TMEM245: variants seen among roughly 807,000 people sequenced by gnomAD.
TMEM245 encodes protein CG-2.
Under a neutral mutation model 101.2 loss-of-function variants are expected in TMEM245, and 69 were observed. The observed-to-expected ratio is 0.68, with a 90% CI of 0.56 to 0.83. The LOEUF (loss-of-function observed/expected upper bound fraction) is 0.83, where lower values mean the gene tolerates loss of function less well. Ranked by LOEUF, TMEM245 falls within the 40% of genes least tolerant of loss-of-function variation. The probability of loss-of-function intolerance (pLI) is 0.00; values close to 1 mark genes in which losing one functional copy is unlikely to be tolerated. For missense variants in TMEM245, 1,075 were observed against 1,092.8 expected (o/e 0.98, Z 0.23); for synonymous variants, 537 against 449.8 (o/e 1.19, Z -2.45).
chr9:109,047,739 C>T (rs2132375994), intron 14 of TMEM245, among the ~76,000 whole-genome samples: 1 of 152,276 alleles, frequency 6.6e-6, no homozygotes, highest in African/African-American at 2.4e-5. Flanking sequence ...ATGAAGATTA[C>T]TTGAGGAAAA....
Position 109,064,491 on chromosome 9 carries a change from A to C in TMEM245, c.1609T>G (p.Trp537Gly). The C allele has an allele frequency of 6.2e-7, 1 of 1,613,558 alleles. No individual in the cohort carries two copies. Among genetic ancestry groups the C allele is most frequent in the Non-Finnish European group, 8.5e-7 (1 of 1,179,620 alleles). Residue 537 changes from tryptophan to glycine, a missense_variant, in exon 10 of 18, where the codon TGG (tryptophan) becomes GGG (glycine). Trp to Gly is a radical substitution (Grantham distance 184, BLOSUM62 -2). Around this residue, in one of 2 missense-constraint regions of TMEM245, gnomAD observed 808 missense variants for 741.5 expected, o/e 1.09. Coordinates refer to ENST00000374586, the MANE Select transcript of TMEM245 (RefSeq NM_032012.4). ...ANNVYQYGREWITHKLHKILG... is the reference protein window; with the variant it reads ...ANNVYQYGREGITHKLHKILG... Reference sequence around the variant, plus strand: ...TCTTCCCTTACCTTGTGAGTTATCCATTCTCGTCCATACTGATACACGTTG... The same window carrying C: ...TCTTCCCTTACCTTGTGAGTTATCCCTTCTCGTCCATACTGATACACGTTG...
chr9:109,052,596 C>G (rs547173085), intron 12 of TMEM245, among the ~76,000 whole-genome samples: 8 of 152,174 alleles, frequency 5.3e-5, no homozygotes, highest in Middle Eastern at 6.3e-3. Flanking sequence ...AAGAGAACTC[C>G]GGCAGGCTGG....
rs1828636015 is a variant in TMEM245 at position 109,050,329 on chromosome 9, C to G, written c.2077G>C (p.Gly693Arg). ...VISLTPLSQPGPSSNIIGQSV... is the reference protein window; with the variant it reads ...VISLTPLSQPRPSSNIIGQSV... ...TGGCCAATAATATTAGAAGAAGGAC[C>G]TGGCTGAGATAGTGGAGTCAGGCTT... Residue 693 changes from glycine to arginine, a missense_variant, in exon 14 of 18, where the codon GGT (glycine) becomes CGT (arginine). Gly to Arg is a moderately radical substitution (Grantham distance 125). Around this residue, in one of 2 missense-constraint regions of TMEM245, gnomAD observed 267 missense variants for 351.3 expected, o/e 0.76. Transcript: ENST00000374586. 6.2e-7 allele frequency: 1 copy of G among 1,614,052 alleles called. No homozygotes were observed. Among genetic ancestry groups the G allele is most frequent in the East Asian group, 2.2e-5 (1 of 44,858 alleles).
chr9:109,090,183 C>T (rs1829957759), intron 5 of TMEM245, among the ~76,000 whole-genome samples: 1 of 152,144 alleles, frequency 6.6e-6, no homozygotes, highest in African/African-American at 2.4e-5. Flanking sequence ...ATTGCTTGAA[C>T]CCAGGGGGCA....
chr9:109,024,247 C>A (rs542167276), intron 17 of TMEM245, among the ~76,000 whole-genome samples: 1 of 152,312 alleles, frequency 6.6e-6, no homozygotes, highest in East Asian at 1.9e-4. Flanking sequence ...AATCCTGTGA[C>A]AGAGCACATG....
At chr9:109,093,994 A>G (rs1830074461) in intron 3 of TMEM245, among the ~76,000 whole-genome samples, 1 of 152,234 alleles carries the variant, frequency 6.6e-6, no homozygotes. Context: ...TTAGTACGAG[A>G]TAATCCACAA....
intron 1 of TMEM245, among the ~76,000 whole-genome samples, chr9:109,114,283 TAG>T (rs1830649418): frequency 6.6e-6 from 1 of 152,176 alleles, no homozygotes; most frequent in Admixed American, 6.5e-5. Flanking sequence ...AACTAAGCAC[TAG>T]AAACTTTCCT....
rs1827455319 is a variant in TMEM245 at position 109,016,686 on chromosome 9, T to C, written c.*3774A>G. 7.0e-6 allele frequency: 1 copy of C among 142,016 alleles called. No individual in the cohort carries two copies. Among genetic ancestry groups the C allele is most frequent in the South Asian group, 2.2e-4 (1 of 4,468 alleles). The allele number at this position is 142,016 out of a possible 1,614,324, so 8.8% of individuals were successfully genotyped here. Reference sequence around the variant, plus strand: ...TTTTTTTTTTTTTTTTTTTGCAGGTTCCCAATAATCGGTAAGTTAATAAAA... The same window carrying C: ...TTTTTTTTTTTTTTTTTTTGCAGGTCCCCAATAATCGGTAAGTTAATAAAA... On this transcript the variant is annotated 3_prime_UTR_variant, in exon 18 of 18. Transcript: ENST00000374586.
rs1427789838 is a variant in TMEM245, at chr9:109,029,389, T to C, written c.2594+3918A>G. Among the ~76,000 whole-genome samples the C allele has an allele frequency of 2.6e-5, 4 of 152,230 alleles. No individual in the cohort carries two copies. The East Asian group carries it at 5.8e-4, about 22-fold the overall frequency. ...ACCGTAGATAAACAAAAAGATCTTA[T>C]ATGTCTTCAAACAGTCAAATTAACA... On this transcript the variant is annotated intron_variant, in intron 17 of 17. Coordinates refer to ENST00000374586, the MANE Select transcript of TMEM245 (RefSeq NM_032012.4).
At chr9:109,065,948 TAAAGAG>T (rs546014019) in intron 9 of TMEM245, among the ~76,000 whole-genome samples, 5 of 152,250 alleles carry the variant, frequency 3.3e-5, no homozygotes, top group African/African-American at 1.2e-4. Context: ...AAGATGGTCA[TAAAGAG>T]AAAGTCAGTT....
At chr9:109,119,003 G>A (rs1235647830) in intron 1 of TMEM245, among the ~76,000 whole-genome samples, 1 of 152,116 alleles carries the variant, frequency 6.6e-6, no homozygotes, top group Non-Finnish European at 1.5e-5. Context: ...TCTCCAACCA[G>A]AAGTAAAACC....
chr9:109,048,751 G>T (rs1182475230), intron 14 of TMEM245, among the ~76,000 whole-genome samples: 1 of 152,184 alleles, frequency 6.6e-6, no homozygotes. Flanking sequence ...GATAAAGGAA[G>T]CCAAGAGCCA....
In TMEM245 at chr9:109,106,543, G is replaced by T; in HGVS notation, c.764C>A (p.Thr255Asn). Residue 255 changes from threonine (T) to asparagine (N), a missense_variant, in exon 3 of 18, where the codon ACC becomes AAC. Thr to Asn is a moderately conservative substitution (Grantham distance 65, BLOSUM62 0). This residue lies in a region of TMEM245 where 808 missense variants were observed against 741.5 expected (regional missense o/e 1.09). Coordinates refer to ENST00000374586, the MANE Select transcript of TMEM245 (RefSeq NM_032012.4). ...TTTTCCATTCTGTTTTTCATAGAGG[G>T]TACCCACAGACATCAGGAAAACAAT... Reference protein sequence around the residue: ...LVIVFLMSVGTLYEKQNGKES... With the variant: ...LVIVFLMSVGNLYEKQNGKES... The T allele has an allele frequency of 6.2e-7, 1 of 1,611,656 alleles. No homozygotes were observed. Among genetic ancestry groups the T allele is most frequent in the Non-Finnish European group, 8.5e-7 (1 of 1,178,590 alleles).
At chr9:109,081,446 T>C (rs1360345580) in intron 7 of TMEM245, among the ~76,000 whole-genome samples, 2 of 152,132 alleles carry the variant, frequency 1.3e-5, no homozygotes, top group Admixed American at 1.3e-4. Context: ...TCAAAATATT[T>C]TTTCCATTTG....
chr9:109,093,433 A>C, intron 4 of TMEM245, 42 bp downstream of exon 4: 2 of 1,541,858 alleles, frequency 1.3e-6, no homozygotes, highest in East Asian at 2.3e-5. Context: ...TGTACATTTC[A>C]TTTTCCAGAA....
chr9:109,103,670 G>A (rs1830334290), intron 3 of TMEM245, among the ~76,000 whole-genome samples: 1 of 152,170 alleles, frequency 6.6e-6, no homozygotes, highest in Non-Finnish European at 1.5e-5. Flanking sequence ...TTATTTGTGG[G>A]ATCTAAAAAT....
intron 17 of TMEM245, among the ~76,000 whole-genome samples, chr9:109,025,460 T>C (rs1316492967): frequency 2.6e-5 from 4 of 152,234 alleles, no homozygotes; most frequent in African/African-American, 7.2e-5. Context: ...AGCCACAAGT[T>C]ACTCAATCTT....
chr9:109,020,368 T>C lies in TMEM245; in HGVS notation c.*92A>G. 7.7e-7 allele frequency: 1 copy of C among 1,290,596 alleles called. No homozygotes were observed. The highest frequency in any genetic ancestry group is 1.1e-6 in the Non-Finnish European group (1 of 885,212). The allele number at this position is 1,290,596 out of a possible 1,614,324, so 79.9% of individuals were successfully genotyped here. A position where few individuals can be genotyped will look rare whatever the true frequency, so the allele number is the denominator to read the frequency against. On this transcript the variant is annotated 3_prime_UTR_variant, in exon 18 of 18. Transcript: ENST00000374586. The stretch of plus-strand genomic sequence containing the variant: ...TGCTTCTTTCCTGGGTTTTGCTTGC[T>C]AGGCACAGCTGGAAGGGCAGAGGGC...
Position 109,050,267 on chromosome 9 carries a change from T to C in TMEM245, c.2123+16A>G. The C allele has an allele frequency of 6.2e-7, 1 of 1,613,310 alleles. No homozygotes were observed. The highest frequency in any genetic ancestry group is 8.5e-7 in the Non-Finnish European group (1 of 1,179,788). Reference sequence around the variant, plus strand: ...AGTTCTGGGAGAAATAAGAATAGCATAAACCTTATCCCTACCTGATAGCTT... The same window carrying C: ...AGTTCTGGGAGAAATAAGAATAGCACAAACCTTATCCCTACCTGATAGCTT... On this transcript the variant is annotated intron_variant, in intron 14 of 17. Coordinates refer to ENST00000374586, the MANE Select transcript of TMEM245 (RefSeq NM_032012.4).
Sources: allele counts gnomAD v4.1 joint callset (sites outside exome capture counted in the v4.1 genomes callset), GRCh38; gene constraint gnomAD v4.1.1; regional missense constraint gnomAD v4.1.1; transcripts MANE v1.5; gene names NCBI Gene and HGNC (gene_info 2026-07-23, HGNC 2026-07-21).